The following MACROD2 variants were observed in gnomAD, a reference collection of about 807,000 sequenced individuals.
MACROD2 encodes the protein mono-ADP ribosylhydrolase 2.
MACROD2 carries 36 observed loss-of-function variants against 70.4 expected under a neutral mutation model. That is an observed-to-expected ratio of 0.51 (90% CI 0.39 to 0.68). The LOEUF (loss-of-function observed/expected upper bound fraction) is 0.68. Ranked by LOEUF, MACROD2 falls within the 30% of genes least tolerant of loss-of-function variation. MACROD2 has a pLI of 0.00. For missense variants in MACROD2, 496 were observed against 538.4 expected (o/e 0.92, Z 0.78); for synonymous variants, 172 against 178.8 (o/e 0.96, Z 0.30).
At chr20:14,083,263 C>T (rs1046761137) in intron 2 of MACROD2, among the ~76,000 whole-genome samples, 2 of 151,814 alleles carry the variant, frequency 1.3e-5, no homozygotes, top group Non-Finnish European at 2.9e-5. Flanking sequence ...GAAACCCCCT[C>T]TCTCCTAAAA....
At position 15,955,971 on chromosome 20, in the gene MACROD2, G is replaced by GA. The variant is rs201080022; in HGVS notation, c.908-11573dup. ...CCAGGACTTATAATAAAAGTTGAAGGAAAAAAAAACTAAAAATAAATTATT... is the reference window on the plus strand; with the variant it reads ...CCAGGACTTATAATAAAAGTTGAAGGAAAAAAAAAACTAAAAATAAATTATT... On this transcript the variant is annotated intron_variant, in intron 12 of 17. Transcript: ENST00000684519. Among the ~76,000 whole-genome samples, 75 of 149,892 alleles carry GA rather than the reference G, an allele frequency of 5.0e-4. No individual in the cohort carries two copies. The East Asian group carries it at 6.8e-3, about 14-fold the overall frequency.
At chr20:15,223,657 C>A (rs912394471) in intron 5 of MACROD2, among the ~76,000 whole-genome samples, 50 of 152,192 alleles carry the variant, frequency 3.3e-4, no homozygotes, top group African/African-American at 1.1e-3. Flanking sequence ...AAGTTTTAAT[C>A]ATCTCAGCCT....
chr20:14,621,650 A>G (rs1389177315), intron 4 of MACROD2: 1 of 152,172 alleles, frequency 6.6e-6, no homozygotes, highest in Non-Finnish European at 1.5e-5. Context: ...TGTTTGCTTC[A>G]AGGATGAAAA....
chr20:15,254,233 G>C (rs1483413601), intron 6 of MACROD2, among the ~76,000 whole-genome samples: 1 of 151,498 alleles, frequency 6.6e-6, no homozygotes, highest in East Asian at 1.9e-4. Context: ...AGAGGTAATT[G>C]ATCAAGATTC....
At chr20:14,733,651 C>T (rs920723436) in intron 5 of MACROD2, among the ~76,000 whole-genome samples, 4 of 152,142 alleles carry the variant, frequency 2.6e-5, no homozygotes, top group African/African-American at 9.7e-5. Context: ...TGCTTGGCAT[C>T]TGCATTTTAC....
chr20:15,324,183 TTC>T (rs1015689059), intron 6 of MACROD2, among the ~76,000 whole-genome samples: 1 of 152,096 alleles, frequency 6.6e-6, no homozygotes, highest in Non-Finnish European at 1.5e-5. Flanking sequence ...TATTCTCTCT[TTC>T]TCTCTCTCAA....
intron 8 of MACROD2, among the ~76,000 whole-genome samples, chr20:15,569,367 A>G (rs1035373266): frequency 2.0e-5 from 3 of 152,206 alleles, no homozygotes; most frequent in Admixed American, 6.5e-5. Context: ...AATCTAGCTA[A>G]TTAACACAGG....
intron 2 of MACROD2, among the ~76,000 whole-genome samples, chr20:14,052,495 A>AC (rs1159305807): frequency 1.3e-5 from 2 of 152,134 alleles, no homozygotes; most frequent in Non-Finnish European, 1.5e-5. Flanking sequence ...TGGCTATTTA[A>AC]CCATTTCACA....
intron 8 of MACROD2, among the ~76,000 whole-genome samples, chr20:15,696,474 A>G (rs1319714716): frequency 1.3e-5 from 2 of 152,238 alleles, no homozygotes; most frequent in Non-Finnish European, 2.9e-5. Flanking sequence ...TTTAGCGTCT[A>G]TGTTCATCAA....
At chr20:14,958,224 G>T (rs1250368252) in intron 5 of MACROD2, among the ~76,000 whole-genome samples, 1 of 152,154 alleles carries the variant, frequency 6.6e-6, no homozygotes, top group African/African-American at 2.4e-5. Context: ...AATTTATGTG[G>T]TATTAATCAG....
At chr20:15,343,605 G>A in intron 6 of MACROD2, among the ~76,000 whole-genome samples, 1 of 152,102 alleles carries the variant, frequency 6.6e-6, no homozygotes, top group East Asian at 1.9e-4. Context: ...AATCCATCAA[G>A]TTAGTGTTAA....
At chr20:14,688,625 C>A (rs763450155) in intron 5 of MACROD2, among the ~76,000 whole-genome samples, 6 of 152,090 alleles carry the variant, frequency 3.9e-5, no homozygotes, top group African/African-American at 9.7e-5. Flanking sequence ...GTAATTGGAT[C>A]TTTTGGGAAT....
intron 17 of MACROD2, among the ~76,000 whole-genome samples, chr20:16,046,497 T>C (rs1195753347): frequency 6.6e-6 from 1 of 152,054 alleles, no homozygotes; most frequent in African/African-American, 2.4e-5. Context: ...TTGCTGCCAA[T>C]AAACTATAGG....
intron 5 of MACROD2, among the ~76,000 whole-genome samples, chr20:15,186,373 C>G (rs924328061): frequency 1.3e-5 from 2 of 152,274 alleles, no homozygotes; most frequent in South Asian, 4.1e-4. Context: ...TTCTAGACAA[C>G]CTTGCCCTCC....
intron 5 of MACROD2, among the ~76,000 whole-genome samples, chr20:14,985,082 AG>A (rs1026912632): frequency 2.2e-4 from 34 of 152,264 alleles, no homozygotes; most frequent in African/African-American, 8.2e-4. Flanking sequence ...CACTCTTCTA[AG>A]GGGTGGAAGG....
chr20:14,127,860 C>T, intron 3 of MACROD2: 1 of 480,408 alleles, frequency 2.1e-6, no homozygotes, highest in South Asian at 1.7e-5. Flanking sequence ...CAACTCTAAG[C>T]CAATAAATGT....
At chr20:14,546,029 T>C (rs1157258420) in intron 4 of MACROD2, among the ~76,000 whole-genome samples, 1 of 152,174 alleles carries the variant, frequency 6.6e-6, no homozygotes, top group Non-Finnish European at 1.5e-5. Context: ...TGCACTGTAT[T>C]TTTTATTTTG....
intron 5 of MACROD2, among the ~76,000 whole-genome samples, chr20:14,856,200 C>G (rs1037886053): frequency 6.6e-6 from 1 of 152,012 alleles, no homozygotes; most frequent in Non-Finnish European, 1.5e-5. Flanking sequence ...GTATTTTTCC[C>G]CAGTAATGCT....
At chr20:15,239,709 C>G (rs933214269) in intron 6 of MACROD2, among the ~76,000 whole-genome samples, 1 of 151,962 alleles carries the variant, frequency 6.6e-6, no homozygotes, top group African/African-American at 2.4e-5. Flanking sequence ...AGCTTATAGA[C>G]CAAATTAAGA....
Sources: gnomAD v4.1 joint callset for allele counts (sites outside exome capture counted in the v4.1 genomes callset) on GRCh38, gnomAD v4.1.1 for gene constraint, MANE v1.5 for transcripts, NCBI Gene and HGNC (gene_info 2026-07-23, HGNC 2026-07-21) for gene names.